The following CREBBP variants were observed in gnomAD, a reference collection of about 807,000 sequenced individuals.
CREBBP encodes the protein CREB binding lysine acetyltransferase.
Under a neutral mutation model 265.0 loss-of-function variants are expected in CREBBP, and 19 were observed. That is an observed-to-expected ratio of 0.07 (90% CI 0.05 to 0.11). The LOEUF (loss-of-function observed/expected upper bound fraction) is 0.11. Among genes scored for constraint, CREBBP ranks in the 10% least tolerant of loss-of-function variants. The pLI, the probability that CREBBP is intolerant of heterozygous loss-of-function variation, is 1.00. For synonymous variants in CREBBP, 1,457 were observed against 1,223.7 expected (o/e 1.19, Z -3.98); for missense variants, 2,525 against 3,219.0 (o/e 0.78, Z 5.22).
At chr16:3,769,464 C>G in intron 14 of CREBBP, 111 bp from the exon 15 acceptor site, 1 of 1,315,212 alleles carries the variant, frequency 7.6e-7, no homozygotes, top group Non-Finnish European at 1.1e-6. Flanking sequence ...CAATACTGAT[C>G]CAGCAGGTGC....
At chr16:3,802,089 T>C (rs1042387472) in intron 3 of CREBBP, among the ~76,000 whole-genome samples, 12 of 150,724 alleles carry the variant, frequency 8.0e-5, no homozygotes, top group Non-Finnish European at 1.2e-4. Context: ...AAGCAAACTC[T>C]TTATATTTAC....
chr16:3,867,336 T>A (rs1164331893), intron 1 of CREBBP, among the ~76,000 whole-genome samples: 1 of 151,364 alleles, frequency 6.6e-6, no homozygotes, highest in Non-Finnish European at 1.5e-5. Flanking sequence ...ACAAAAATAA[T>A]AAAAAATTAT....
At chr16:3,737,550 C>A (rs1440490963) in intron 26 of CREBBP, among the ~76,000 whole-genome samples, 1 of 150,332 alleles carries the variant, frequency 6.7e-6, no homozygotes, top group African/African-American at 2.5e-5. Flanking sequence ...TCCTCTGTCT[C>A]CCTGGTTCGA....
intron 2 of CREBBP, among the ~76,000 whole-genome samples, chr16:3,833,141 G>C (rs546284152): frequency 6.6e-6 from 1 of 152,190 alleles, no homozygotes; most frequent in African/African-American, 2.4e-5. Context: ...GGCCAGGCAC[G>C]GTGGCTCACA....
intron 3 of CREBBP, among the ~76,000 whole-genome samples, chr16:3,802,028 T>C (rs1224752396): frequency 6.6e-6 from 1 of 150,992 alleles, no homozygotes; most frequent in African/African-American, 2.4e-5. Context: ...GCTTATTACA[T>C]AATTGGCAGC....
Position 3,841,575 on chromosome 16 carries a change from A to C in CREBBP, c.798+8722T>G, listed in dbSNP as rs187536527. On this transcript the variant is annotated intron_variant, in intron 2 of 30. Transcript: ENST00000262367. ...AGCACTGCTTGAGCCCAGGAGTTCGAGGCTGCAGGGAGCCATGATAACGCC... is the reference window on the plus strand; with the variant it reads ...AGCACTGCTTGAGCCCAGGAGTTCGCGGCTGCAGGGAGCCATGATAACGCC... 5.4e-3 allele frequency among the ~76,000 whole-genome samples: 815 copies of C among 152,254 alleles called. 4 individuals are homozygous for C. Among genetic ancestry groups the C allele is most frequent in the African/African-American group, 0.018 (730 of 41,546 alleles).
intron 1 of CREBBP, among the ~76,000 whole-genome samples, chr16:3,859,737 C>T (rs993316500): frequency 1.3e-5 from 2 of 152,208 alleles, no homozygotes; most frequent in African/African-American, 2.4e-5. Flanking sequence ...GTACAGGGTT[C>T]AGAGAGCTTC....
chr16:3,852,848 A>G (rs1434377984), intron 1 of CREBBP, among the ~76,000 whole-genome samples: 1 of 152,050 alleles, frequency 6.6e-6, no homozygotes, highest in African/African-American at 2.4e-5. Context: ...TGGTCTACAC[A>G]TGTCATCTCT....
chr16:3,822,165 C>T (rs1425092383), intron 2 of CREBBP, among the ~76,000 whole-genome samples: 2 of 151,976 alleles, frequency 1.3e-5, no homozygotes, highest in Non-Finnish European at 2.9e-5. Context: ...CAAAGCCACC[C>T]GATGTTTTCC....
rs150411875 is a variant in CREBBP, at chr16:3,748,104, A to AATACATACATACATAC, written c.3836+1507_3836+1522dup. ...AAACTCCATCTCAAAAATAAAAATA[A>AATACATACATACATAC]ATACATACATACATACATACATAAG... On this transcript the variant is annotated intron_variant, in intron 21 of 30. Coordinates refer to ENST00000262367, the MANE Select transcript of CREBBP (RefSeq NM_004380.3). Among the ~76,000 whole-genome samples the AATACATACATACATAC allele has an allele frequency of 1.4e-3, 217 of 150,798 alleles. 2 individuals carry two copies. Among genetic ancestry groups the AATACATACATACATAC allele is most frequent in the East Asian group, 0.011 (54 of 5,060 alleles).
chr16:3,789,448 T>A (rs1220172484), intron 5 of CREBBP, among the ~76,000 whole-genome samples: 1 of 152,208 alleles, frequency 6.6e-6, no homozygotes, highest in Non-Finnish European at 1.5e-5. Flanking sequence ...TGCGCTCCAA[T>A]TCTCCTCGAA....
chr16:3,860,179 T>G (rs553280947), intron 1 of CREBBP, among the ~76,000 whole-genome samples: 1 of 152,142 alleles, frequency 6.6e-6, no homozygotes, highest in South Asian at 2.1e-4. Context: ...GTGTCGACTG[T>G]TGACACTGAG....
At position 3,770,750 on chromosome 16, in the gene CREBBP, G is replaced by C. The variant is rs776360413; in HGVS notation, c.2700C>G (p.Thr900=). The C allele has an allele frequency of 1.2e-6, 2 of 1,614,134 alleles. No individual in the cohort carries two copies. Among genetic ancestry groups the C allele is most frequent in the Non-Finnish European group, 1.7e-6 (2 of 1,180,018 alleles). Reference sequence around the variant, plus strand: ...CACTGGGCACTGAGCCAGGAGTCGGGGTGGGAGTCTGCCCGGAAGACGACA... The same window carrying C: ...CACTGGGCACTGAGCCAGGAGTCGGCGTGGGAGTCTGCCCGGAAGACGACA... The part of the protein sequence containing the change: ...TPVSSSGQTP[T]PTPGSVPSAT... The change falls in exon 14 of 31, where the codon ACC becomes ACG. Residue 900 remains threonine, a synonymous_variant. Transcript: ENST00000262367.
chr16:3,759,612 G>A (rs1422290071), intron 16 of CREBBP, among the ~76,000 whole-genome samples: 1 of 136,150 alleles, frequency 7.3e-6, no homozygotes, highest in Non-Finnish European at 1.5e-5. Flanking sequence ...CATTTCATTG[G>A]AAGGGACCTT....
chr16:3,857,018 C>T (rs941261894), intron 1 of CREBBP, among the ~76,000 whole-genome samples: 1 of 152,200 alleles, frequency 6.6e-6, no homozygotes, highest in Non-Finnish European at 1.5e-5. Context: ...CATCCTTAGG[C>T]AAACTGCTTC....
chr16:3,871,620 G>C (rs546076323), intron 1 of CREBBP, among the ~76,000 whole-genome samples: 2 of 152,242 alleles, frequency 1.3e-5, no homozygotes, highest in South Asian at 4.1e-4. Flanking sequence ...TTATCATACA[G>C]AACAGTGACT....
chr16:3,775,541 A>G (rs534325574), intron 11 of CREBBP, among the ~76,000 whole-genome samples: 2 of 152,296 alleles, frequency 1.3e-5, no homozygotes, highest in African/African-American at 4.8e-5. Flanking sequence ...TCAAAGGATG[A>G]CTCACGGAGC....
chr16:3,753,252 A>T (rs2052515385), intron 19 of CREBBP, among the ~76,000 whole-genome samples: 2 of 152,234 alleles, frequency 1.3e-5, no homozygotes, highest in African/African-American at 4.8e-5. Context: ...GTTCACTACC[A>T]CTAGGACAGG....
In CREBBP at chr16:3,770,892, A is replaced by C. The variant is rs201496321; in HGVS notation, c.2558T>G (p.Leu853Arg). ...GGAAGCAGGAGGCGGTGTTGGGTGC[A>C]GTGGTGACTGTGTCACTGGAGGGCA... Reference protein sequence around the residue: ...LPCPPVTQSPLHPTPPPASTA... With the variant: ...LPCPPVTQSPRHPTPPPASTA... The change falls in exon 14 of 31, where the codon CTG (leucine) becomes CGG (arginine). Residue 853 changes from leucine to arginine, a missense_variant. By Grantham distance (102) the Leu-to-Arg change is moderately radical. Coordinates refer to ENST00000262367, the MANE Select transcript of CREBBP (RefSeq NM_004380.3). 6.2e-7 allele frequency: 1 copy of C among 1,613,824 alleles called. No individual in the cohort carries two copies. The highest frequency in any genetic ancestry group is 8.5e-7 in the Non-Finnish European group (1 of 1,180,008).
Sources: gnomAD v4.1 joint callset for allele counts (sites outside exome capture counted in the v4.1 genomes callset) on GRCh38, gnomAD v4.1.1 for gene constraint, MANE v1.5 for transcripts, NCBI Gene and HGNC (gene_info 2026-07-23, HGNC 2026-07-21) for gene names.